Variants in BFSP2 observed in about 807,000 individuals in gnomAD.
The protein encoded by BFSP2 is phakinin.
A neutral mutation model predicts 44.9 loss-of-function variants in BFSP2; 38 were observed. That is an observed-to-expected ratio of 0.85 (90% confidence interval 0.65 to 1.11). The LOEUF is 1.11. Ranked by LOEUF, BFSP2 falls within the 50% of genes least tolerant of loss-of-function variation. The pLI is 0.00. For synonymous variants in BFSP2, 197 were observed against 209.9 expected, an observed-to-expected ratio of 0.94 and a Z score of 0.53; for missense variants, 525 against 533.0, an observed-to-expected ratio of 0.99 and a Z score of 0.15.
chr3:133,450,321 A>T lies in BFSP2; in HGVS notation c.748A>T (p.Lys250Ter). ...NYEEDVKLLH[K>*]QLAGCELEQM... ...TTTTCAGGATGTGAAGCTGCTGCAC[A>T]AACAGTTGGCAGGGTGTGAGCTGGA... The change falls in exon 4 of 7, where the codon AAA becomes TAA. Residue 250 changes from lysine (K) to a stop codon, truncating the protein, a stop_gained. Transcript: ENST00000302334. LOFTEE classifies it high-confidence loss of function. 6.2e-7 allele frequency: 1 copy of T among 1,614,234 alleles called. No homozygotes were observed. Among genetic ancestry groups the T allele is most frequent in the Non-Finnish European group, 8.5e-7 (1 of 1,180,038 alleles).
chr3:133,400,268 C>T lies in BFSP2; in HGVS notation c.185C>T (p.Pro62Leu). ...RAPGVYVGTA[P>L]SGCIGGLGAR... ...CCCGGGGTCTATGTAGGAACAGCAC[C>T]CAGTGGGTGCATAGGTGGCTTGGGT... The change falls in exon 1 of 7, where the codon CCC (proline) becomes CTC (leucine). Residue 62 changes from proline to leucine, a missense_variant. By Grantham distance (98) the Pro-to-Leu change is moderately conservative (BLOSUM62 -3). Transcript: ENST00000302334. This position sits in a 1 kb window ranked among gnomAD's most constrained non-coding sequence, Gnocchi z 4.0. 1 of 1,613,988 alleles carries T rather than the reference C, an allele frequency of 6.2e-7. No homozygotes were observed. Among genetic ancestry groups the T allele is most frequent in the Non-Finnish European group, 8.5e-7 (1 of 1,179,980 alleles).
At chr3:133,416,843 G>A (rs2073537975) in intron 1 of BFSP2, among the ~76,000 whole-genome samples, 1 of 107,224 alleles carries the variant, frequency 9.3e-6, no homozygotes, top group Admixed American at 1.1e-4. Context: ...ACTCAGCCCT[G>A]TTCTCTCCCC....
chr3:133,441,751 G>T (rs1327775216), intron 1 of BFSP2, among the ~76,000 whole-genome samples: 1 of 152,160 alleles, frequency 6.6e-6, no homozygotes, highest in Non-Finnish European at 1.5e-5. Context: ...CTTCCAGGAG[G>T]TTATATTCTA....
At chr3:133,443,430 C>G (rs2073864421) in intron 1 of BFSP2, among the ~76,000 whole-genome samples, 1 of 151,924 alleles carries the variant, frequency 6.6e-6, no homozygotes, top group Admixed American at 6.6e-5. Context: ...GAAGAAAAAC[C>G]TGGTGAAGCA....
chr3:133,407,962 G>A (rs2073417811), intron 1 of BFSP2, among the ~76,000 whole-genome samples: 2 of 152,018 alleles, frequency 1.3e-5, no homozygotes, highest in African/African-American at 4.8e-5. Context: ...TTGGATGTGG[G>A]AAAAATTTTT....
In BFSP2 at chr3:133,448,429, A is replaced by C. The variant is rs981205207; in HGVS notation, c.573-60A>C. 2.5e-6 allele frequency: 4 copies of C among 1,595,808 alleles called. No homozygotes were observed. The African/African-American group carries it at 5.4e-5, about 21-fold the overall frequency. On this transcript the variant is annotated intron_variant, in intron 2 of 6. Coordinates refer to ENST00000302334, the MANE Select transcript of BFSP2 (RefSeq NM_003571.4). ...TAATTGGCCTGTTGGTAACATTTAT[A>C]ATCTGATTCTTTTTCTTTTGGGCTA... is the stretch of plus-strand genomic sequence containing the variant.
intron 1 of BFSP2, among the ~76,000 whole-genome samples, chr3:133,436,875 A>G (rs938542020): frequency 5.3e-5 from 8 of 152,046 alleles, no homozygotes; most frequent in African/African-American, 1.7e-4. Flanking sequence ...CTGTCCTTGC[A>G]ATAGTTTGCT....
intron 4 of BFSP2, among the ~76,000 whole-genome samples, chr3:133,462,405 A>G (rs1158129934): frequency 6.6e-6 from 1 of 152,192 alleles, no homozygotes; most frequent in African/African-American, 2.4e-5. Flanking sequence ...GAAACCAGTA[A>G]ATATCACGGA....
chr3:133,419,944 C>T lies in BFSP2; in HGVS notation c.489+19372C>T, dbSNP rs554891623. 1.2e-3 allele frequency among the ~76,000 whole-genome samples: 176 copies of T among 152,344 alleles called. 5 individuals are homozygous for T. The South Asian group carries it at 0.035, about 31-fold the overall frequency. ...CCGCCACAGGAGGTGAGCACCTGCTCGGGTGGGCGAGGCCTGGCATGAGGG... is the reference window on the plus strand; with the variant it reads ...CCGCCACAGGAGGTGAGCACCTGCTTGGGTGGGCGAGGCCTGGCATGAGGG... On this transcript the variant is annotated intron_variant, in intron 1 of 6. Transcript: ENST00000302334.
At chr3:133,442,979 TC>T (rs1339861981) in intron 1 of BFSP2, among the ~76,000 whole-genome samples, 3 of 152,000 alleles carry the variant, frequency 2.0e-5, no homozygotes, top group African/African-American at 7.2e-5. Flanking sequence ...TGCCTCAGCC[TC>T]CTAAATAGCT....
rs763682788 is a variant in BFSP2 at position 133,472,511 on chromosome 3, A to C, written c.1190A>C (p.Gln397Pro). 3.1e-6 allele frequency: 5 copies of C among 1,613,176 alleles called. No individual in the cohort carries two copies. Among genetic ancestry groups the C allele is most frequent in the Non-Finnish European group, 3.4e-6 (4 of 1,180,004 alleles). The part of the protein sequence containing the change: ...ERAHLLARKC[Q>P]LQKDVASYHA... ...GCGCATCTGCTGGCCCGCAAGTGCC[A>C]GCTGCAGAAGGACGTGGCGTCCTAC... Residue 397 changes from glutamine to proline, a missense_variant, in exon 6 of 7, where the codon CAG (glutamine) becomes CCG (proline). Transcript: ENST00000302334.
At chr3:133,462,618 AC>A (rs2074074507) in intron 4 of BFSP2, among the ~76,000 whole-genome samples, 1 of 152,232 alleles carries the variant, frequency 6.6e-6, no homozygotes, top group Non-Finnish European at 1.5e-5. Context: ...TGTGCCAATC[AC>A]ATTCACAATA....
At chr3:133,405,242 T>A (rs1208075046) in intron 1 of BFSP2, among the ~76,000 whole-genome samples, 1 of 152,194 alleles carries the variant, frequency 6.6e-6, no homozygotes, top group Non-Finnish European at 1.5e-5. Context: ...GACATTTGTC[T>A]AGGTCTCCAT....
intron 3 of BFSP2, among the ~76,000 whole-genome samples, chr3:133,450,016 A>AGGAAGGAAGGAAGGAAGGAAGGAAGGAG (rs1225503133): frequency 7.5e-5 from 7 of 93,274 alleles, no homozygotes; most frequent in Admixed American, 3.7e-4. Flanking sequence ...GAAGGAAGGA[A>AGGAAGGAAGGAAGGAAGGAAGGAAGGAG]GGAGGGAGGG....
chr3:133,469,440 T>C lies in BFSP2; in HGVS notation c.1023+2481T>C, dbSNP rs115684737. On this transcript the variant is annotated intron_variant, in intron 5 of 6. Transcript: ENST00000302334. ...ATAAGGCACTATTTGCATTGGAAGC[T>C]AGGCACAAATAATGGTGCTTGAGAC... 9.7e-3 allele frequency among the ~76,000 whole-genome samples: 1,483 copies of C among 152,370 alleles called. 10 individuals are homozygous for C. The highest frequency in any genetic ancestry group is 0.016 in the Non-Finnish European group (1,105 of 68,034).
At chr3:133,471,834 T>C (rs563588308) in intron 5 of BFSP2, among the ~76,000 whole-genome samples, 1 of 152,268 alleles carries the variant, frequency 6.6e-6, no homozygotes, top group African/African-American at 2.4e-5. Flanking sequence ...ACATTCATTC[T>C]AAGGACAGTG....
intron 1 of BFSP2, among the ~76,000 whole-genome samples, chr3:133,407,326 A>T (rs757773270): frequency 2.0e-5 from 3 of 152,210 alleles, no homozygotes; most frequent in African/African-American, 7.2e-5. Context: ...AGAAATGTCC[A>T]AAGTCTATAT....
intron 4 of BFSP2, 52 bp from the exon 5 acceptor site, chr3:133,466,775 TG>T: frequency 6.4e-7 from 1 of 1,564,930 alleles, no homozygotes; most frequent in Non-Finnish European, 8.7e-7. Flanking sequence ...GAAGGAAGGA[TG>T]GGCTCAGATT....
At chr3:133,425,995 C>A (rs200375604) in intron 1 of BFSP2, among the ~76,000 whole-genome samples, 52 of 1,470 alleles carry the variant, frequency 0.035, 21 homozygotes, top group East Asian at 0.12. Context: ...CAGGGCAGGG[C>A]AGGGCAGGGA....
Sources: allele counts gnomAD v4.1 joint callset (sites outside exome capture counted in the v4.1 genomes callset), GRCh38; gene constraint gnomAD v4.1.1; non-coding constraint Gnocchi (gnomAD v3.1); transcripts MANE v1.5; gene names NCBI Gene and HGNC (gene_info 2026-07-23, HGNC 2026-07-21).